MINDY4: variants seen among roughly 807,000 people sequenced by gnomAD.
MINDY4 encodes the protein probable ubiquitin carboxyl-terminal hydrolase MINDY-4.
Under a neutral mutation model 87.0 loss-of-function variants are expected in MINDY4, and 68 were observed. The ratio of observed to expected loss-of-function variants is 0.78; its 90% CI spans 0.64 to 0.96. The LOEUF (loss-of-function observed/expected upper bound fraction) is 0.96. MINDY4 is among the 40% of genes least tolerant of loss of function. The pLI, the probability that MINDY4 is intolerant of heterozygous loss-of-function variation, is 0.00. For synonymous variants in MINDY4, 379 were observed against 363.2 expected, an observed-to-expected ratio of 1.04 and a Z score of -0.50; for missense variants, 919 against 928.2, an observed-to-expected ratio of 0.99 and a Z score of 0.13.
At chr7:30,844,386 G>C (rs1789139696) in intron 9 of MINDY4, among the ~76,000 whole-genome samples, 1 of 152,212 alleles carries the variant, frequency 6.6e-6, no homozygotes, top group African/African-American at 2.4e-5. Flanking sequence ...GCCTCCTCCT[G>C]GTGATGGGCC....
At chr7:30,875,436 C>G in intron 14 of MINDY4, 59 bp from the exon 15 acceptor site, 1 of 1,585,066 alleles carries the variant, frequency 6.3e-7, no homozygotes, top group South Asian at 1.1e-5. Flanking sequence ...AGTCTCCTCT[C>G]CACTCTTTCA....
At chr7:30,852,084 T>C in intron 10 of MINDY4, 132 bp from the exon 11 acceptor site, 1 of 993,314 alleles carries the variant, frequency 1.0e-6, no homozygotes, top group Non-Finnish European at 1.5e-6. Flanking sequence ...AATGAGAAAC[T>C]CTTGGCTCCA....
intron 4 of MINDY4, among the ~76,000 whole-genome samples, chr7:30,788,497 G>A (rs1449335844): frequency 6.6e-6 from 1 of 152,086 alleles, no homozygotes; most frequent in Non-Finnish European, 1.5e-5. Flanking sequence ...TTCATTCATT[G>A]ATGTCACCCC....
chr7:30,844,113 G>A (rs1026540590), intron 9 of MINDY4, among the ~76,000 whole-genome samples: 3 of 152,178 alleles, frequency 2.0e-5, no homozygotes, highest in Admixed American at 2.0e-4. Context: ...GGTGCTGCTT[G>A]TAGCCCACCC....
chr7:30,890,851 T>C (rs1056055207), intron 17 of MINDY4, among the ~76,000 whole-genome samples: 3 of 152,134 alleles, frequency 2.0e-5, no homozygotes, highest in Non-Finnish European at 4.4e-5. Flanking sequence ...TTCCAAGCCT[T>C]CTGTTGGAAA....
chr7:30,781,893 T>C, intron 2 of MINDY4, 84 bp from the exon 3 acceptor site: 3 of 906,666 alleles, frequency 3.3e-6, no homozygotes, highest in Non-Finnish European at 5.1e-6. Flanking sequence ...ATAAACTTAG[T>C]CAAAGAAGTG....
chr7:30,842,709 G>A (rs1789078919), intron 9 of MINDY4, among the ~76,000 whole-genome samples: 3 of 152,196 alleles, frequency 2.0e-5, no homozygotes, highest in South Asian at 2.1e-4. Flanking sequence ...CTCAGGGCGG[G>A]CAGCCTGGTG....
At chr7:30,799,224 C>A (rs11772642) in intron 5 of MINDY4, among the ~76,000 whole-genome samples, 52,753 of 151,874 alleles carry the variant, frequency 0.35, 9,500 homozygotes, top group South Asian at 0.42. Context: ...CATGCCTAGA[C>A]CAGACTTCTG....
intron 5 of MINDY4, among the ~76,000 whole-genome samples, chr7:30,809,976 GA>G (rs1787933777): frequency 6.6e-6 from 1 of 151,872 alleles, no homozygotes; most frequent in Non-Finnish European, 1.5e-5. Context: ...AGAAGTTCGA[GA>G]CCAGCCTGGC....
At chr7:30,837,567 A>G (rs763059482) in intron 7 of MINDY4, among the ~76,000 whole-genome samples, 37 of 151,358 alleles carry the variant, frequency 2.4e-4, no homozygotes, top group Non-Finnish European at 5.2e-4. Context: ...CCCTTCTTCC[A>G]TTCTCTCTTT....
At chr7:30,876,691 G>A (rs758052989) in intron 15 of MINDY4, among the ~76,000 whole-genome samples, 2 of 152,110 alleles carry the variant, frequency 1.3e-5, no homozygotes, top group African/African-American at 2.4e-5. Context: ...TGGCTTCAGA[G>A]AGTCCATTGT....
At chr7:30,845,662 G>A (rs1484900567) in intron 9 of MINDY4, among the ~76,000 whole-genome samples, 2 of 152,186 alleles carry the variant, frequency 1.3e-5, no homozygotes, top group African/African-American at 4.8e-5. Flanking sequence ...TCCTGCCTGT[G>A]TGCGGGGTCT....
Position 30,820,197 on chromosome 7 carries a change from G to A in MINDY4, c.1074-8482G>A, listed in dbSNP as rs182827389. ...ATTACAGGCGTGAGCCACCGCGCCC[G>A]GCCAATAATTTTTAAAAGTAAAATT... is the stretch of plus-strand genomic sequence containing the variant. On this transcript the variant is annotated intron_variant, in intron 5 of 17. Transcript: ENST00000265299. Among the ~76,000 whole-genome samples, 1,226 of 152,112 alleles carry A rather than the reference G, an allele frequency of 8.1e-3. 14 individuals carry two copies. Among genetic ancestry groups the A allele is most frequent in the African/African-American group, 0.028 (1,167 of 41,496 alleles).
chr7:30,888,225 GTTGAC>G (rs1790693206), intron 17 of MINDY4, among the ~76,000 whole-genome samples: 2 of 152,160 alleles, frequency 1.3e-5, no homozygotes, highest in South Asian at 4.1e-4. Context: ...GTGATTTTAA[GTTGAC>G]TTGAGCACCA....
chr7:30,811,843 C>T (rs894834598), intron 5 of MINDY4, among the ~76,000 whole-genome samples: 9 of 152,134 alleles, frequency 5.9e-5, no homozygotes, highest in African/African-American at 1.9e-4. Flanking sequence ...GTTGTGAGCC[C>T]TTAAAAGGGA....
intron 5 of MINDY4, among the ~76,000 whole-genome samples, chr7:30,812,155 G>A (rs561288088): frequency 6.6e-6 from 1 of 152,148 alleles, no homozygotes; most frequent in Admixed American, 6.5e-5. Context: ...TTTGGCAGGA[G>A]AGCGTCCTTA....
intron 2 of MINDY4, chr7:30,780,748 T>G (rs1252914683): frequency 6.6e-6 from 1 of 152,244 alleles, no homozygotes; most frequent in African/African-American, 2.4e-5. Flanking sequence ...ATAAAGGCTG[T>G]GTCTGTTGTG....
intron 11 of MINDY4, 66 bp from the exon 12 acceptor site, chr7:30,853,328 G>A: frequency 7.4e-7 from 1 of 1,352,238 alleles, no homozygotes; most frequent in East Asian, 2.3e-5. Context: ...GGGAGCAGAA[G>A]CTAATTCAGG....
chr7:30,873,951 C>T (rs911414068), intron 14 of MINDY4, among the ~76,000 whole-genome samples: 1 of 152,212 alleles, frequency 6.6e-6, no homozygotes, highest in African/African-American at 2.4e-5. Flanking sequence ...GTGGGGGTCC[C>T]TCTGCGGCCA....
Sources: gnomAD v4.1 joint callset for allele counts (sites outside exome capture counted in the v4.1 genomes callset) on GRCh38, gnomAD v4.1.1 for gene constraint, MANE v1.5 for transcripts, NCBI Gene and HGNC (gene_info 2026-07-23, HGNC 2026-07-21) for gene names.